The following CA1 variants were observed in gnomAD, a reference collection of about 807,000 sequenced individuals.
CA1 encodes carbonic anhydrase 1, also known as carbonate dehydratase I.
CA1 carries 27 observed loss-of-function variants against 28.8 expected under a neutral mutation model. The ratio of observed to expected loss-of-function variants is 0.94; its 90% CI spans 0.69 to 1.29. The LOEUF is 1.29. CA1 is among the 50% of genes most tolerant of loss of function. CA1 has a pLI of 0.00. For synonymous variants in CA1, 121 were observed against 108.8 expected, an observed-to-expected ratio of 1.11 and a Z score of -0.70; for missense variants, 335 against 310.5, an observed-to-expected ratio of 1.08 and a Z score of -0.59.
intron 1 of CA1, among the ~76,000 whole-genome samples, chr8:85,362,659 G>A (rs1809844307): frequency 6.6e-6 from 1 of 152,122 alleles, no homozygotes; most frequent in African/African-American, 2.4e-5. Context: ...GGTGCGTAGG[G>A]GAAGAGCAAG....
rs553688789 is a variant in CA1 at position 85,338,295 on chromosome 8, C to T, written c.192G>A (p.Gly64=). The T allele has an allele frequency of 3.2e-5, 52 of 1,613,830 alleles. No individual in the cohort carries two copies. Among genetic ancestry groups the T allele is most frequent in the Non-Finnish European group, 4.4e-5 (52 of 1,179,856 alleles). The part of the protein sequence containing the change: ...PATAKEIINV[G]HSFHVNFEDN... ...CCTCAAAATTTACATGGAAGGAATG[C>T]CCCACATTGATAATTTCTTTGGCTG... Residue 64 remains glycine, a synonymous_variant, in exon 3 of 8, where the codon GGG becomes GGA. Transcript: ENST00000523022.
intron 1 of CA1, among the ~76,000 whole-genome samples, chr8:85,347,195 T>C (rs1809226401): frequency 6.6e-6 from 1 of 152,232 alleles, no homozygotes; most frequent in Admixed American, 6.5e-5. Flanking sequence ...ATGACATGTC[T>C]TTTCTTAATC....
chr8:85,341,464 A>G (rs1169605096), intron 2 of CA1, 135 bp downstream of exon 2: 29 of 666,894 alleles, frequency 4.3e-5, no homozygotes, highest in Non-Finnish European at 5.4e-6. Flanking sequence ...ACATGCAAAG[A>G]TAGTATAATT....
Position 85,338,292 on chromosome 8 carries a change from A to C in CA1, c.195T>G (p.His65Gln), listed in dbSNP as rs768197220. 2.2e-5 allele frequency: 36 copies of C among 1,613,928 alleles called. 1 individual carries two copies. In the East Asian group the frequency reaches 8.0e-4, roughly 36 times the overall value. The change falls in exon 3 of 8, where the codon CAT (histidine) becomes CAG (glutamine). Residue 65 changes from histidine to glutamine, a missense_variant. Physicochemically the swap from His to Gln is conservative, Grantham distance 24. Coordinates refer to ENST00000523022, the MANE Select transcript of CA1 (RefSeq NM_001128831.4). ...TGTCCTCAAAATTTACATGGAAGGA[A>C]TGCCCCACATTGATAATTTCTTTGG... ...ATAKEIINVG[H>Q]SFHVNFEDND...
intron 2 of CA1, 142 bp downstream of exon 2, chr8:85,341,457 T>G: frequency 1.5e-6 from 1 of 648,696 alleles, no homozygotes; most frequent in South Asian, 1.8e-5. Context: ...TAAGAATACA[T>G]GCAAAGATAG....
chr8:85,344,239 TATA>T (rs1809063800), intron 1 of CA1, among the ~76,000 whole-genome samples: 1 of 95,616 alleles, frequency 1.0e-5, no homozygotes, highest in Non-Finnish European at 1.8e-5. Flanking sequence ...GTATATAATA[TATA>T]ATTATATATT....
intron 1 of CA1, among the ~76,000 whole-genome samples, chr8:85,375,697 C>T (rs1810390009): frequency 6.6e-6 from 1 of 152,152 alleles, no homozygotes; most frequent in Non-Finnish European, 1.5e-5. Context: ...GATGGATGAA[C>T]CTCAAAATAA....
intron 1 of CA1, among the ~76,000 whole-genome samples, chr8:85,347,951 G>A (rs1298624500): frequency 6.6e-6 from 1 of 152,142 alleles, no homozygotes; most frequent in Non-Finnish European, 1.5e-5. Context: ...CTGAAGTGAT[G>A]TATAATTATA....
At chr8:85,339,700 A>G (rs1808836290) in intron 2 of CA1, among the ~76,000 whole-genome samples, 1 of 152,218 alleles carries the variant, frequency 6.6e-6, no homozygotes, top group South Asian at 2.1e-4. Flanking sequence ...AATGCAAAAG[A>G]AAAGTTCTTG....
chr8:85,344,402 A>T (rs901241035), intron 1 of CA1, among the ~76,000 whole-genome samples: 4 of 147,140 alleles, frequency 2.7e-5, no homozygotes, highest in African/African-American at 9.9e-5. Flanking sequence ...TAATTTCTAA[A>T]TTAAATGGTA....
chr8:85,354,955 T>C (rs1361811084), intron 1 of CA1, among the ~76,000 whole-genome samples: 2 of 152,200 alleles, frequency 1.3e-5, no homozygotes, highest in African/African-American at 4.8e-5. Context: ...TTAGCCCCAG[T>C]CTTCCAATCT....
At position 85,344,093 on chromosome 8, in the gene CA1, A is replaced by ATATG. The variant is rs1182590755; in HGVS notation, c.-24-2435_-24-2434insCATA. ...TTCTAAACTAAAAGTATATATATAT[A>ATATG]TATATACTTTTAAATTTTATATATA... On this transcript the variant is annotated intron_variant, in intron 1 of 7. Transcript: ENST00000523022. Among the ~76,000 whole-genome samples, 4 of 140,758 alleles carry ATATG rather than the reference A, an allele frequency of 2.8e-5. No individual in the cohort carries two copies. In the South Asian group the frequency reaches 8.6e-4, roughly 30 times the overall value. The allele number at this position is 140,758 out of a possible 152,430, so 92.3% of individuals were successfully genotyped here.
At chr8:85,348,783 C>T (rs193050067) in intron 1 of CA1, among the ~76,000 whole-genome samples, 47 of 152,206 alleles carry the variant, frequency 3.1e-4, no homozygotes, top group African/African-American at 8.2e-4. Context: ...GTATAAAATA[C>T]CTAAAAATAT....
chr8:85,328,358 A>G lies in CA1; in HGVS notation c.*202T>C, dbSNP rs1024534542. ...AAGCATAAGCTTATGCTTACAGATT[A>G]CTATTTGCTAGCTTACTAATTATTA... On this transcript the variant is annotated 3_prime_UTR_variant, in exon 8 of 8. Coordinates refer to ENST00000523022, the MANE Select transcript of CA1 (RefSeq NM_001128831.4). The G allele has an allele frequency of 2.1e-5, 9 of 422,996 alleles. No individual in the cohort carries two copies. Among genetic ancestry groups the G allele is most frequent in the African/African-American group, 1.6e-4 (8 of 50,118 alleles). 26.2% of individuals were successfully genotyped at this position (422,996 alleles called of 1,614,324 possible).
intron 2 of CA1, chr8:85,341,398 A>G (rs1400293341): frequency 3.9e-5 from 20 of 514,108 alleles, no homozygotes; most frequent in South Asian, 2.5e-4. Context: ...GCCTGTATAT[A>G]TATATATCAA....
chr8:85,354,755 AG>A (rs1342306313), intron 1 of CA1, among the ~76,000 whole-genome samples: 3 of 152,182 alleles, frequency 2.0e-5, no homozygotes, highest in African/African-American at 7.2e-5. Context: ...TGATATAAAG[AG>A]AGAAAACAAG....
At chr8:85,367,767 G>A (rs1810065232) in intron 1 of CA1, among the ~76,000 whole-genome samples, 1 of 152,086 alleles carries the variant, frequency 6.6e-6, no homozygotes, top group Admixed American at 6.6e-5. Context: ...AAATAGCTAA[G>A]GTTTCCAGAA....
At chr8:85,366,322 G>A (rs1300975574) in intron 1 of CA1, among the ~76,000 whole-genome samples, 3 of 151,962 alleles carry the variant, frequency 2.0e-5, no homozygotes, top group East Asian at 1.9e-4. Context: ...CCATCATGCT[G>A]TTTCTCACCT....
At chr8:85,330,908 A>G (rs576905347) in intron 6 of CA1, among the ~76,000 whole-genome samples, 9 of 152,146 alleles carry the variant, frequency 5.9e-5, no homozygotes, top group South Asian at 2.1e-4. Context: ...AGTTTATCCT[A>G]TGTTTTTTGT....
Sources: allele counts gnomAD v4.1 joint callset (sites outside exome capture counted in the v4.1 genomes callset), GRCh38; gene constraint gnomAD v4.1.1; transcripts MANE v1.5; gene names NCBI Gene and HGNC (gene_info 2026-07-23, HGNC 2026-07-21).